NID2: variants seen among roughly 807,000 people sequenced by gnomAD.
NID2 encodes the protein nidogen 2.
In NID2, 83 loss-of-function variants were observed where a neutral mutation model predicts 145.4. That is an observed-to-expected ratio of 0.57 (90% confidence interval 0.48 to 0.69). NID2 has a LOEUF of 0.69. NID2 is among the 30% of genes least tolerant of loss of function. NID2 has a pLI of 0.00. For missense variants in NID2, 1,807 were observed against 1,765.7 expected (o/e 1.02, Z -0.42); for synonymous variants, 739 against 701.3 (o/e 1.05, Z -0.85).
intron 11 of NID2, 77 bp downstream of exon 11, chr14:52,028,645 T>C: frequency 6.6e-7 from 1 of 1,508,774 alleles, no homozygotes; most frequent in African/African-American, 1.4e-5. Flanking sequence ...ATAGCAGAAG[T>C]CAAAACACTG....
Position 52,014,326 on chromosome 14 carries a change from C to G in NID2, c.3381G>C (p.Arg1127Ser), listed in dbSNP as rs775334750. 3.9e-5 allele frequency: 63 copies of G among 1,614,094 alleles called. No homozygotes were observed. In the South Asian group the frequency reaches 6.3e-4, roughly 16 times the overall value. ...GGGTCTTAGCTGCATCCTTCTGAAG[C>G]CTGGTGCCATTGAGGGGTAAGTAGC... is the stretch of plus-strand genomic sequence containing the variant. The part of the protein sequence containing the change: ...QIGYLPLNGT[R>S]LQKDAAKTLL... Residue 1127 changes from arginine (R) to serine (S), a missense_variant, in exon 16 of 22, where the codon AGG (arginine) becomes AGC (serine). Arg to Ser is a moderately radical substitution (Grantham distance 110). Coordinates refer to ENST00000216286, the MANE Select transcript of NID2 (RefSeq NM_007361.4).
At chr14:52,015,831 C>T (rs76516068) in intron 14 of NID2, among the ~76,000 whole-genome samples, 7,440 of 152,296 alleles carry the variant, frequency 0.049, 247 homozygotes, top group Non-Finnish European at 0.072. Context: ...CCCAGCGCCA[C>T]GGTGCCCTCT....
At chr14:52,036,194 T>C (rs1002364323) in intron 9 of NID2, among the ~76,000 whole-genome samples, 5 of 152,310 alleles carry the variant, frequency 3.3e-5, no homozygotes, top group Non-Finnish European at 5.9e-5. Context: ...CTCTTAGCCC[T>C]GGGCAACCAT....
chr14:52,041,722 G>A (rs970629044), intron 7 of NID2, among the ~76,000 whole-genome samples: 4 of 152,158 alleles, frequency 2.6e-5, no homozygotes, highest in African/African-American at 9.7e-5. Flanking sequence ...GAGGAGAAGA[G>A]CACCCCTTCC....
At chr14:52,036,334 T>C (rs985668057) in intron 9 of NID2, among the ~76,000 whole-genome samples, 1 of 152,208 alleles carries the variant, frequency 6.6e-6, no homozygotes, top group African/African-American at 2.4e-5. Context: ...TGTTGCAGCA[T>C]GTATCCGTAC....
intron 9 of NID2, among the ~76,000 whole-genome samples, chr14:52,035,826 A>G (rs1892040819): frequency 9.4e-6 from 1 of 105,878 alleles, no homozygotes; most frequent in Non-Finnish European, 2.1e-5. Context: ...CTACAGACAC[A>G]TGCCACCACA....
At chr14:52,063,405 C>A (rs1174547623) in intron 2 of NID2, among the ~76,000 whole-genome samples, 1 of 152,188 alleles carries the variant, frequency 6.6e-6, no homozygotes, top group Admixed American at 6.5e-5. Flanking sequence ...AAAGCCAGAG[C>A]CCTCTGCAGA....
chr14:52,012,733 A>T (rs1229507372), intron 16 of NID2, among the ~76,000 whole-genome samples: 1 of 152,218 alleles, frequency 6.6e-6, no homozygotes, highest in Non-Finnish European at 1.5e-5. Flanking sequence ...TAAAAATAAA[A>T]AAAATGCTGA....
intron 16 of NID2, among the ~76,000 whole-genome samples, chr14:52,012,923 G>A (rs1046455517): frequency 1.1e-4 from 17 of 152,214 alleles, no homozygotes; most frequent in Non-Finnish European, 1.6e-4. Flanking sequence ...CTTCACTTAC[G>A]CCCCCTGGGA....
chr14:52,030,564 G>GA lies in NID2; in HGVS notation c.2258-875dup, dbSNP rs763025669. Among the ~76,000 whole-genome samples the GA allele has an allele frequency of 5.4e-3, 247 of 45,824 alleles. 5 individuals carry two copies. The highest frequency in any genetic ancestry group is 0.017 in the African/African-American group (240 of 14,216). 30.1% of individuals were successfully genotyped at this position (45,824 alleles called of 152,430 possible). On this transcript the variant is annotated intron_variant, in intron 9 of 21. Transcript: ENST00000216286. Reference sequence around the variant, plus strand: ...AGAAAGAAAGAAAGAAAGAAAGAAAGAAAGGAAGGAAGGGAAAGAAAGAAA... The same window carrying GA: ...AGAAAGAAAGAAAGAAAGAAAGAAAGAAAAGGAAGGAAGGGAAAGAAAGAAA...
chr14:52,027,392 G>A, intron 11 of NID2, 48 bp from the exon 12 acceptor site: 3 of 1,452,192 alleles, frequency 2.1e-6, no homozygotes, highest in East Asian at 2.7e-5. Context: ...GCCTGCAAAG[G>A]ATGAGCCTCA....
At chr14:52,014,223 T>C in intron 16 of NID2, 64 bp downstream of exon 16, 1 of 1,596,364 alleles carries the variant, frequency 6.3e-7, no homozygotes, top group Non-Finnish European at 8.6e-7. Context: ...CAACAGGGCC[T>C]GTGAGGTGGC....
intron 12 of NID2, among the ~76,000 whole-genome samples, chr14:52,024,390 G>A (rs1041026025): frequency 6.6e-6 from 1 of 152,212 alleles, no homozygotes; most frequent in African/African-American, 2.4e-5. Flanking sequence ...GAAACTGAAG[G>A]CAGCCAACAA....
In NID2 at chr14:52,069,041, G is replaced by A. The variant is rs1225922268; in HGVS notation, c.-47C>T. On this transcript the variant is annotated 5_prime_UTR_variant, in exon 1 of 22. Transcript: ENST00000216286. ...CCCGCTGCACAACGCGTCCCGCCCC[G>A]GCCTCCAGCCCACTCTCCGCGCCGC... is the stretch of plus-strand genomic sequence containing the variant. 2 of 1,474,968 alleles carry A rather than the reference G, an allele frequency of 1.4e-6. No homozygotes were observed. The highest frequency in any genetic ancestry group is 1.8e-5 in the Admixed American group (1 of 55,278). 91.4% of individuals were successfully genotyped at this position (1,474,968 alleles called of 1,614,324 possible).
chr14:52,006,123 T>A (rs1457721367), intron 20 of NID2: 2 of 459,112 alleles, frequency 4.4e-6, no homozygotes, highest in African/African-American at 2.0e-5. Context: ...AGTTCCTCAT[T>A]TGAGAACTAG....
intron 21 of NID2, 112 bp from the exon 22 acceptor site, chr14:52,005,608 A>G: frequency 6.9e-7 from 1 of 1,454,212 alleles, no homozygotes; most frequent in East Asian, 2.3e-5. Context: ...TAAGGTAGTA[A>G]AGACTGGCCC....
intron 9 of NID2, among the ~76,000 whole-genome samples, chr14:52,030,559 AGAAAGAAAGGAAGGAAGG>A (rs1566755585): frequency 1.4e-5 from 1 of 72,062 alleles, no homozygotes; most frequent in African/African-American, 4.8e-5. Context: ...AAAGAAAGAA[AGAAAGAAAGGAAGGAAGG>A]GAAAGAAAGA....
At chr14:52,028,655 G>A in intron 11 of NID2, 67 bp downstream of exon 11, 2 of 1,548,122 alleles carry the variant, frequency 1.3e-6, no homozygotes, top group South Asian at 1.2e-5. Context: ...TCAAAACACT[G>A]ACAGATTAAA....
In NID2 at chr14:52,019,089, G is replaced by A; in HGVS notation, c.3000C>T (p.Ser1000=). ...GTGATGGTCCACAGTGAGGCGGGGT[G>A]GAGCCAGGTGGAGTCTGGGTACCAG... ...EVPGTQTPPG[S]TPPHCGPSPE... is the part of the protein sequence containing the mutation. The change falls in exon 14 of 22, where the codon TCC becomes TCT. Residue 1000 remains serine (S), a synonymous_variant. Coordinates refer to ENST00000216286, the MANE Select transcript of NID2 (RefSeq NM_007361.4). 6.2e-7 allele frequency: 1 copy of A among 1,614,046 alleles called. No individual in the cohort carries two copies. The highest frequency in any genetic ancestry group is 1.1e-5 in the South Asian group (1 of 91,062).
Sources: allele counts gnomAD v4.1 joint callset (sites outside exome capture counted in the v4.1 genomes callset), GRCh38; gene constraint gnomAD v4.1.1; transcripts MANE v1.5; gene names NCBI Gene and HGNC (gene_info 2026-07-23, HGNC 2026-07-21).